UPF2: variants seen among roughly 807,000 people sequenced by gnomAD.
The protein encoded by UPF2 is UPF2 regulator of nonsense mediated mRNA decay, also known as regulator of nonsense transcripts 2.
In UPF2, 17 loss-of-function variants were observed where a neutral mutation model predicts 141.4. The ratio of observed to expected loss-of-function variants is 0.12; its 90% CI spans 0.08 to 0.18. The LOEUF (loss-of-function observed/expected upper bound fraction) is 0.18, where lower values mean the gene tolerates loss of function less well. Ranked by LOEUF, UPF2 falls within the 10% of genes least tolerant of loss-of-function variation. UPF2 has a pLI of 1.00. For synonymous variants in UPF2, 540 were observed against 498.0 expected (o/e 1.08, Z -1.12); for missense variants, 1,152 against 1,515.9 (o/e 0.76, Z 3.99).
chr10:11,984,783 G>C (rs1041379188), intron 8 of UPF2, among the ~76,000 whole-genome samples: 4 of 151,160 alleles, frequency 2.6e-5, no homozygotes, highest in Admixed American at 2.6e-4. Flanking sequence ...CAGGATCTCA[G>C]CTCACTGCAA....
chr10:11,960,276 G>A (rs1428732994), intron 11 of UPF2, among the ~76,000 whole-genome samples: 1 of 152,198 alleles, frequency 6.6e-6, no homozygotes, highest in Non-Finnish European at 1.5e-5. Context: ...GCTGGGCGCA[G>A]GGGCTCAAGC....
chr10:12,017,741 C>A (rs1834247597), intron 3 of UPF2, among the ~76,000 whole-genome samples: 1 of 152,098 alleles, frequency 6.6e-6, no homozygotes, highest in Non-Finnish European at 1.5e-5. Context: ...CTTTTACTCC[C>A]ATTTTTTTAT....
At chr10:11,955,646 A>AT in intron 13 of UPF2, 139 bp from the exon 14 acceptor site, 1 of 859,982 alleles carries the variant, frequency 1.2e-6, no homozygotes. Context: ...TTTCTAATAA[A>AT]CTGGTTACTT....
intron 11 of UPF2, among the ~76,000 whole-genome samples, chr10:11,960,830 G>C (rs903877101): frequency 2.0e-5 from 3 of 151,644 alleles, no homozygotes; most frequent in Non-Finnish European, 2.9e-5. Context: ...ACTGGCTCAT[G>C]CCTGTAATCC....
chr10:11,962,326 A>T (rs1469683425), intron 11 of UPF2, among the ~76,000 whole-genome samples: 1 of 152,182 alleles, frequency 6.6e-6, no homozygotes, highest in Non-Finnish European at 1.5e-5. Flanking sequence ...ATGTGCTTCA[A>T]ACCAAACTCA....
At chr10:11,934,556 T>A (rs1031240607) in intron 19 of UPF2, among the ~76,000 whole-genome samples, 9 of 152,170 alleles carry the variant, frequency 5.9e-5, no homozygotes, top group African/African-American at 9.7e-5. Flanking sequence ...TGCCGTGAAG[T>A]CTTTGCCAGC....
In UPF2 at chr10:11,979,261, T is replaced by C; in HGVS notation, c.1845-96A>G. On this transcript the variant is annotated intron_variant, in intron 8 of 21. Coordinates refer to ENST00000357604, the MANE Select transcript of UPF2 (RefSeq NM_015542.4). The surrounding 1 kb of genome is among the most constrained non-coding windows in gnomAD (Gnocchi z 6.2). ...TTTTCAGATGTATTCACACATTAAA[T>C]GATCTTAAAACTCATAATCATACAG... 1.1e-6 allele frequency: 1 copy of C among 872,698 alleles called. No individual in the cohort carries two copies. The highest frequency in any genetic ancestry group is 1.8e-6 in the Non-Finnish European group (1 of 570,788). The allele number at this position is 872,698 out of a possible 1,614,324, so 54.1% of individuals were successfully genotyped here.
intron 20 of UPF2, 76 bp from the exon 21 acceptor site, chr10:11,930,061 T>TG: frequency 6.3e-7 from 1 of 1,590,782 alleles, no homozygotes; most frequent in South Asian, 1.1e-5. Context: ...AACGAAATGT[T>TG]GGGGAGATTA....
In UPF2 at chr10:11,980,504, G is replaced by A. The variant is rs1336942226; in HGVS notation, c.1845-1339C>T. Among the ~76,000 whole-genome samples the A allele has an allele frequency of 6.6e-6, 1 of 152,110 alleles. No individual in the cohort carries two copies. Among genetic ancestry groups the A allele is most frequent in the Non-Finnish European group, 1.5e-5 (1 of 68,038 alleles). On this transcript the variant is annotated intron_variant, in intron 8 of 21. Transcript: ENST00000357604. This position sits in a 1 kb window ranked among gnomAD's most constrained non-coding sequence, Gnocchi z 4.2. The stretch of plus-strand genomic sequence containing the variant: ...CTCACATCTGTAATCCCAGCACTTT[G>A]GGAGGCTGAGGCAGGCAGATCACCT...
Position 11,957,902 on chromosome 10 carries a change from A to G in UPF2, c.2370+1269T>C, listed in dbSNP as rs117702828. Among the ~76,000 whole-genome samples, 10 of 152,356 alleles carry G rather than the reference A, an allele frequency of 6.6e-5. No individual in the cohort carries two copies. The East Asian group carries it at 1.9e-3, about 29-fold the overall frequency. ...CTGGCTAAAAGATCCCTTAAGGTGG[A>G]GGACACTGTATCAAGACTGAGGCTG... On this transcript the variant is annotated intron_variant, in intron 12 of 21. Coordinates refer to ENST00000357604, the MANE Select transcript of UPF2 (RefSeq NM_015542.4).
chr10:11,952,741 T>G (rs113921880), intron 14 of UPF2, among the ~76,000 whole-genome samples: 328 of 152,212 alleles, frequency 2.2e-3, no homozygotes, highest in African/African-American at 7.5e-3. Context: ...CCCAAAGTGC[T>G]GGGATTACAG....
intron 8 of UPF2, among the ~76,000 whole-genome samples, chr10:11,991,353 A>C (rs977686215): frequency 1.2e-4 from 18 of 152,214 alleles, no homozygotes; most frequent in African/African-American, 3.9e-4. Flanking sequence ...GCCAGAAAAC[A>C]ACCACAGCAC....
Position 11,985,428 on chromosome 10 carries a change from G to A in UPF2, c.1845-6263C>T, listed in dbSNP as rs534122339. ...AGAGGCTGGCGGATCACGAGGTCAG[G>A]AGATGGAGACCATCCTGGCTAATAC... On this transcript the variant is annotated intron_variant, in intron 8 of 21. Transcript: ENST00000357604. 3.9e-4 allele frequency among the ~76,000 whole-genome samples: 59 copies of A among 152,204 alleles called. 1 individual carries two copies. The highest frequency in any genetic ancestry group is 1.3e-3 in the African/African-American group (56 of 41,534).
intron 2 of UPF2, among the ~76,000 whole-genome samples, chr10:12,034,327 A>T (rs12258327): frequency 0.17 from 25,992 of 150,782 alleles, 2,701 homozygotes; most frequent in African/African-American, 0.28. Context: ...TTATTATTTT[A>T]TTTTTTTTTT....
At chr10:11,926,304 G>A (rs61846679) in intron 21 of UPF2, among the ~76,000 whole-genome samples, 10,674 of 152,222 alleles carry the variant, frequency 0.07, 491 homozygotes, top group Non-Finnish European at 0.1. Context: ...GCAGGGGCAC[G>A]AGTCTTCCAT....
chr10:11,993,186 A>C (rs1204230459), intron 8 of UPF2, among the ~76,000 whole-genome samples: 1 of 151,150 alleles, frequency 6.6e-6, no homozygotes, highest in Non-Finnish European at 1.5e-5. Flanking sequence ...CAGCAATCAT[A>C]ATCATTAATA....
chr10:11,960,438 G>A (rs1378622052), intron 11 of UPF2, among the ~76,000 whole-genome samples: 19 of 151,924 alleles, frequency 1.3e-4, no homozygotes, highest in Admixed American at 1.2e-3. Flanking sequence ...CACAGTGGTA[G>A]GTACCTGTAG....
rs1363425701 is a variant in UPF2 at position 11,921,326 on chromosome 10, T to G, written c.3810-19A>C. 6.2e-7 allele frequency: 1 copy of G among 1,613,766 alleles called. No homozygotes were observed. The highest frequency in any genetic ancestry group is 1.1e-5 in the South Asian group (1 of 91,056). On this transcript the variant is annotated intron_variant, in intron 21 of 21. Transcript: ENST00000357604. The surrounding 1 kb of genome is among the most constrained non-coding windows in gnomAD (Gnocchi z 5.9). ...ACGTCTCCTAAAGGAACAAACAGGG[T>G]CACATCAGAGAGCTTACTGCCACAG... is the stretch of plus-strand genomic sequence containing the variant.
intron 9 of UPF2, among the ~76,000 whole-genome samples, chr10:11,973,151 T>C (rs1833448940): frequency 6.6e-6 from 1 of 152,232 alleles, no homozygotes; most frequent in Admixed American, 6.5e-5. Flanking sequence ...TGAGCATTTT[T>C]TCATGTGTCT....
Sources: gnomAD v4.1 joint callset for allele counts (sites outside exome capture counted in the v4.1 genomes callset) on GRCh38, gnomAD v4.1.1 for gene constraint, Gnocchi (gnomAD v3.1) non-coding constraint, MANE v1.5 for transcripts, NCBI Gene and HGNC (gene_info 2026-07-23, HGNC 2026-07-21) for gene names.